KIAA1217: variants seen among roughly 807,000 people sequenced by gnomAD.
The protein encoded by KIAA1217 is KIAA1217, also known as sickle tail protein homolog.
KIAA1217 carries 88 observed loss-of-function variants against 163.9 expected under a neutral mutation model. That is an observed-to-expected ratio of 0.54 (90% CI 0.45 to 0.64). The LOEUF (loss-of-function observed/expected upper bound fraction) is 0.64, where lower values mean the gene tolerates loss of function less well. Ranked by LOEUF, KIAA1217 falls within the 30% of genes least tolerant of loss-of-function variation. The pLI is 0.00. For missense variants in KIAA1217, 2,372 were observed against 2,475.0 expected, an observed-to-expected ratio of 0.96 and a Z score of 0.88; for synonymous variants, 903 against 923.1, an observed-to-expected ratio of 0.98 and a Z score of 0.39.
chr10:24,337,129 C>G (rs145380792), intron 2 of KIAA1217, among the ~76,000 whole-genome samples: 1 of 152,196 alleles, frequency 6.6e-6, no homozygotes, highest in South Asian at 2.1e-4. Flanking sequence ...AGGCAACTCA[C>G]ACTGTGAGAT....
chr10:24,303,310 C>T (rs1357076585), intron 2 of KIAA1217, among the ~76,000 whole-genome samples: 1 of 152,120 alleles, frequency 6.6e-6, no homozygotes, highest in Non-Finnish European at 1.5e-5. Flanking sequence ...GCCACCACAC[C>T]TGGCCTCCAT....
At chr10:24,440,294 C>G (rs1339679625) in intron 5 of KIAA1217, among the ~76,000 whole-genome samples, 1 of 152,160 alleles carries the variant, frequency 6.6e-6, no homozygotes, top group African/African-American at 2.4e-5. Context: ...ATTACAGCAC[C>G]ATTTGCCTTT....
chr10:24,492,404 A>T (rs2066268560), intron 6 of KIAA1217, among the ~76,000 whole-genome samples: 1 of 152,216 alleles, frequency 6.6e-6, no homozygotes, highest in East Asian at 1.9e-4. Context: ...CGGCTGGTGT[A>T]CCTGGAAACA....
chr10:23,978,742 T>C (rs1215427371), intron 1 of KIAA1217, among the ~76,000 whole-genome samples: 2 of 152,178 alleles, frequency 1.3e-5, no homozygotes, highest in Admixed American at 1.3e-4. Context: ...TTTTAAAACA[T>C]ACACAGAAAG....
At chr10:24,206,590 A>G (rs1360547407), upstream of KIAA1217, among the ~76,000 whole-genome samples, 1 of 152,216 alleles carries the variant, frequency 6.6e-6, no homozygotes, top group Non-Finnish European at 1.5e-5. Flanking sequence ...CCTCTTCTTA[A>G]GGAGGAACAA....
chr10:23,826,010 T>C (rs951154467), intron 1 of KIAA1217, among the ~76,000 whole-genome samples: 22 of 152,126 alleles, frequency 1.4e-4, no homozygotes, highest in African/African-American at 5.1e-4. Context: ...TTAGTTACCA[T>C]CTCCTTGCCT....
intron 2 of KIAA1217, among the ~76,000 whole-genome samples, chr10:24,377,117 C>T (rs971516164): frequency 5.9e-5 from 9 of 152,088 alleles, no homozygotes; most frequent in Non-Finnish European, 8.8e-5. Flanking sequence ...GAGACCCCTT[C>T]GAAGAAGAGA....
intron 2 of KIAA1217, among the ~76,000 whole-genome samples, chr10:24,152,817 G>A (rs1344405386): frequency 6.6e-6 from 1 of 151,768 alleles, no homozygotes; most frequent in Non-Finnish European, 1.5e-5. Context: ...AAAACTCTAA[G>A]GTTGAACTTT....
chr10:23,867,319 A>C (rs1408859626), intron 1 of KIAA1217, among the ~76,000 whole-genome samples: 1 of 151,766 alleles, frequency 6.6e-6, no homozygotes, highest in Non-Finnish European at 1.5e-5. Flanking sequence ...ATACGTGTGC[A>C]TGTGTCTTTA....
At chr10:23,875,747 C>T (rs758328736) in intron 1 of KIAA1217, among the ~76,000 whole-genome samples, 26 of 152,116 alleles carry the variant, frequency 1.7e-4, no homozygotes, top group South Asian at 8.3e-4. Context: ...GGCACATATA[C>T]ACCATGGAAT....
chr10:24,265,056 G>T (rs1000351461), intron 2 of KIAA1217, among the ~76,000 whole-genome samples: 7 of 152,020 alleles, frequency 4.6e-5, no homozygotes, highest in African/African-American at 1.7e-4. Flanking sequence ...AGGAGACCAG[G>T]TTTTACCATG....
chr10:24,123,980 C>G (rs1225894183), intron 2 of KIAA1217, among the ~76,000 whole-genome samples: 1 of 152,064 alleles, frequency 6.6e-6, no homozygotes, highest in Non-Finnish European at 1.5e-5. Context: ...TTGCAAATAT[C>G]GACCCCCAGT....
intron 1 of KIAA1217, among the ~76,000 whole-genome samples, chr10:23,971,607 C>A (rs1429787215): frequency 3.3e-5 from 5 of 152,144 alleles, no homozygotes; most frequent in Non-Finnish European, 7.3e-5. Context: ...GACTCTATAG[C>A]AATTGGATAC....
At chr10:23,988,027 AGT>A (rs945312146) in intron 1 of KIAA1217, among the ~76,000 whole-genome samples, 5 of 151,260 alleles carry the variant, frequency 3.3e-5, no homozygotes, top group Non-Finnish European at 7.4e-5. Flanking sequence ...AATATTTAAA[AGT>A]GTTTTTTTAT....
intron 2 of KIAA1217, among the ~76,000 whole-genome samples, chr10:24,022,754 TA>T (rs1355933207): frequency 1.3e-5 from 2 of 151,648 alleles, no homozygotes; most frequent in African/African-American, 4.8e-5. Context: ...AGTGCCTTCC[TA>T]AACGGGAATA....
At chr10:24,091,110 G>T (rs2061922976) in intron 2 of KIAA1217, among the ~76,000 whole-genome samples, 1 of 151,810 alleles carries the variant, frequency 6.6e-6, no homozygotes, top group African/African-American at 2.4e-5. Context: ...ACATTTATTG[G>T]TTCCTATGAG....
intron 1 of KIAA1217, among the ~76,000 whole-genome samples, chr10:23,722,763 C>G (rs931217424): frequency 3.3e-4 from 50 of 152,142 alleles, no homozygotes; most frequent in Non-Finnish European, 6.8e-4. Context: ...AGTGCTAAGT[C>G]AGGATTTGGG....
At chr10:24,088,659 T>A (rs1336949705) in intron 2 of KIAA1217, among the ~76,000 whole-genome samples, 60 of 120,316 alleles carry the variant, frequency 5.0e-4, no homozygotes, top group Non-Finnish European at 8.5e-4. Context: ...TATTCCATGG[T>A]GTATATGTGC....
In KIAA1217 at chr10:24,196,107, T is replaced by C. The variant is rs181986894; in HGVS notation, c.-170-23519T>C. On this transcript the variant is annotated intron_variant, in intron 2 of 18. Transcript: ENST00000376462. The stretch of plus-strand genomic sequence containing the variant: ...TATGATTGCACCACTGCACTCCAGC[T>C]GGGGTGACAGAGTGAGACCCTGTCT... 2.7e-3 allele frequency among the ~76,000 whole-genome samples: 399 copies of C among 149,448 alleles called. 2 individuals carry two copies. The highest frequency in any genetic ancestry group is 9.5e-3 in the African/African-American group (379 of 39,996).
Sources: allele counts gnomAD v4.1 joint callset (sites outside exome capture counted in the v4.1 genomes callset), GRCh38; gene constraint gnomAD v4.1.1; transcripts MANE v1.5; gene names NCBI Gene and HGNC (gene_info 2026-07-23, HGNC 2026-07-21).